CPS1: variants seen among roughly 807,000 people sequenced by gnomAD.
CPS1 encodes the protein carbamoyl-phosphate synthase 1, also known as carbamoyl-phosphate synthase [ammonia], mitochondrial.
A neutral mutation model predicts 174.6 loss-of-function variants in CPS1; 109 were observed. The ratio of observed to expected loss-of-function variants is 0.62; its 90% confidence interval spans 0.53 to 0.73. The LOEUF is 0.73. Among genes scored for constraint, CPS1 ranks in the 30% least tolerant of loss-of-function variants. The pLI, the probability that CPS1 is intolerant of heterozygous loss-of-function variation, is 0.00. For missense variants in CPS1, 1,689 were observed against 1,821.9 expected (o/e 0.93, Z 1.33); for synonymous variants, 637 against 632.0 (o/e 1.01, Z -0.12).
In CPS1 at chr2:210,677,095, A is replaced by G; in HGVS notation, c.4363A>G (p.Thr1455Ala). Residue 1455 changes from threonine to alanine, a missense_variant, in exon 37 of 38, where the codon ACA becomes GCA. By Grantham distance (58) the Thr-to-Ala change is moderately conservative (BLOSUM62 0). Coordinates refer to ENST00000233072, the MANE Select transcript of CPS1 (RefSeq NM_001875.5). ...CCATGATAATTATGTGATTCGGAGG[A>G]CAGCTGTTGATAGTGGAATCCCTCT... ...FVHDNYVIRR[T>A]AVDSGIPLLT... The G allele has an allele frequency of 6.2e-7, 1 of 1,613,154 alleles. No homozygotes were observed. The highest frequency in any genetic ancestry group is 8.5e-7 in the Non-Finnish European group (1 of 1,179,156).
At chr2:210,669,832 C>G (rs1287919285) in intron 34 of CPS1, among the ~76,000 whole-genome samples, 1 of 152,136 alleles carries the variant, frequency 6.6e-6, no homozygotes, top group East Asian at 1.9e-4. Context: ...TGGGGGCATT[C>G]AGAGGAGACC....
rs938645149 is a variant in CPS1 at position 210,577,411 on chromosome 2, G to A, written c.382-10G>A. 7.5e-6 allele frequency: 12 copies of A among 1,605,684 alleles called. No individual in the cohort carries two copies. The highest frequency in any genetic ancestry group is 1.0e-5 in the Non-Finnish European group (12 of 1,172,648). On this transcript the variant is annotated splice_polypyrimidine_tract_variant and intron_variant, in intron 3 of 37. Transcript: ENST00000233072. Reference sequence around the variant, plus strand: ...GATAACCTCTTTAAAATGACTGTCTGTCTTTCTAGGTTTCAGGTTTGCTGG... The same window carrying A: ...GATAACCTCTTTAAAATGACTGTCTATCTTTCTAGGTTTCAGGTTTGCTGG...
chr2:210,675,163 T>C (rs1476950243), intron 35 of CPS1, among the ~76,000 whole-genome samples: 2 of 152,172 alleles, frequency 1.3e-5, no homozygotes, highest in Non-Finnish European at 2.9e-5. Flanking sequence ...ACAAATTCAA[T>C]AGAAGTTGCC....
At chr2:210,633,225 G>C (rs2105889963) in intron 21 of CPS1, among the ~76,000 whole-genome samples, 1 of 152,176 alleles carries the variant, frequency 6.6e-6, no homozygotes, top group African/African-American at 2.4e-5. Flanking sequence ...CTATGGGCAG[G>C]GGAGCAGTAA....
chr2:210,661,230 A>G (rs1441625199), intron 32 of CPS1, among the ~76,000 whole-genome samples: 1 of 152,196 alleles, frequency 6.6e-6, no homozygotes, highest in Non-Finnish European at 1.5e-5. Context: ...TCCAATACAT[A>G]TGTATATTTT....
At chr2:210,560,858 T>A (rs1048854020) in intron 1 of CPS1, among the ~76,000 whole-genome samples, 1 of 152,160 alleles carries the variant, frequency 6.6e-6, no homozygotes, top group African/African-American at 2.4e-5. Flanking sequence ...TATCACACAC[T>A]TTTAAGAATA....
chr2:210,639,912 T>C, intron 23 of CPS1, 84 bp from the exon 24 acceptor site: 1 of 951,238 alleles, frequency 1.1e-6, no homozygotes, highest in South Asian at 1.3e-5. Context: ...GAGAAATACA[T>C]ACTTAATGAT....
At chr2:210,556,920 A>G in intron 1 of CPS1, 61 bp downstream of exon 1, 26 of 1,574,116 alleles carry the variant, frequency 1.7e-5, no homozygotes, top group Non-Finnish European at 2.3e-5. Context: ...GCAGTGAAGC[A>G]AAGGTGTCCC....
chr2:210,598,022 C>T (rs1698551879), intron 13 of CPS1, among the ~76,000 whole-genome samples: 1 of 151,650 alleles, frequency 6.6e-6, no homozygotes, highest in Non-Finnish European at 1.5e-5. Context: ...GAAGGGAGCA[C>T]ATTATTCTGC....
chr2:210,664,167 TA>T (rs1701014697), intron 33 of CPS1, among the ~76,000 whole-genome samples: 2 of 152,118 alleles, frequency 1.3e-5, no homozygotes, highest in African/African-American at 4.8e-5. Flanking sequence ...AAAAAAACCT[TA>T]CTTTTAAATG....
chr2:210,651,548 C>A (rs1700559120), intron 28 of CPS1, among the ~76,000 whole-genome samples: 1 of 152,192 alleles, frequency 6.6e-6, no homozygotes, highest in Non-Finnish European at 1.5e-5. Context: ...CAGAGGCTGG[C>A]TACTGTACTC....
chr2:210,640,915 T>C lies in CPS1; in HGVS notation c.2959+856T>C, dbSNP rs189734247. 9.2e-4 allele frequency among the ~76,000 whole-genome samples: 140 copies of C among 152,298 alleles called. 3 individuals carry two copies. Among genetic ancestry groups the C allele is most frequent in the Admixed American group, 9.0e-3 (138 of 15,304 alleles). On this transcript the variant is annotated intron_variant, in intron 24 of 37. Coordinates refer to ENST00000233072, the MANE Select transcript of CPS1 (RefSeq NM_001875.5). ...TGCTGCTGTAACAAAATACCTGAGA[T>C]TGGGTAATTTATAAATAAATTCTCA...
intron 30 of CPS1, 136 bp downstream of exon 30, chr2:210,656,768 C>T (rs1574649474): frequency 1.4e-6 from 1 of 700,316 alleles, no homozygotes; most frequent in East Asian, 2.7e-5. Flanking sequence ...AGGCTAACTT[C>T]CTTGCTCTGA....
At chr2:210,575,498 CACACACG>C (rs1697666421) in intron 2 of CPS1, among the ~76,000 whole-genome samples, 1 of 140,310 alleles carries the variant, frequency 7.1e-6, no homozygotes, top group African/African-American at 2.8e-5. Flanking sequence ...TGTGTATATA[CACACACG>C]ATATGTATAT....
intron 1 of CPS1, among the ~76,000 whole-genome samples, chr2:210,488,739 A>G (rs1694789149): frequency 1.3e-5 from 2 of 152,184 alleles, no homozygotes; most frequent in African/African-American, 4.8e-5. Context: ...TTCTTTGGGA[A>G]TTGTGGGTTA....
At position 210,592,905 on chromosome 2, in the gene CPS1, C is replaced by G. The variant is rs751581379; in HGVS notation, c.1113C>G (p.Phe371Leu). 1.2e-6 allele frequency: 2 copies of G among 1,612,484 alleles called. No individual in the cohort carries two copies. The highest frequency in any genetic ancestry group is 3.3e-5 in the Admixed American group (2 of 59,852). The change falls in exon 11 of 38, where the codon TTC becomes TTG. Residue 371 changes from phenylalanine to leucine, a missense_variant. Phe to Leu is a conservative substitution (Grantham distance 22, BLOSUM62 0). Transcript: ENST00000233072. ...GGATTATGCATGAGAGCAAACCCTT[C>G]TTCGCTGTGCAGTTCCACCCAGAGG... ...NEGIMHESKP[F>L]FAVQFHPEVT...
Position 210,648,619 on chromosome 2 carries a change from C to T in CPS1, c.3404+79C>T, listed in dbSNP as rs1700460952. 2.7e-6 allele frequency: 3 copies of T among 1,092,878 alleles called. No individual in the cohort carries two copies. The South Asian group carries it at 3.7e-5, about 14-fold the overall frequency. The allele number at this position is 1,092,878 out of a possible 1,614,324, so 67.7% of individuals were successfully genotyped here. On this transcript the variant is annotated intron_variant, in intron 27 of 37. Transcript: ENST00000233072. ...AAATGCATGCTGTATGCTAATAGCA[C>T]TAGGGTTCTATATGTAGTAATTTAT... is the stretch of plus-strand genomic sequence containing the variant.
At chr2:210,513,474 CGTT>C (rs1559056708) in intron 1 of CPS1, among the ~76,000 whole-genome samples, 1 of 151,114 alleles carries the variant, frequency 6.6e-6, no homozygotes, top group Non-Finnish European at 1.5e-5. Flanking sequence ...AGAAGACATA[CGTT>C]GTATGTCTTC....
At chr2:210,605,769 T>G (rs13010668) in intron 17 of CPS1, among the ~76,000 whole-genome samples, 31,885 of 151,674 alleles carry the variant, frequency 0.21, 3,652 homozygotes, top group African/African-American at 0.3. Context: ...TAGAAATAAA[T>G]AAGTTGATAC....
Sources: gnomAD v4.1 joint callset for allele counts (sites outside exome capture counted in the v4.1 genomes callset) on GRCh38, gnomAD v4.1.1 for gene constraint, MANE v1.5 for transcripts, NCBI Gene and HGNC (gene_info 2026-07-23, HGNC 2026-07-21) for gene names.